The following TEX36 variants were observed in gnomAD, a reference collection of about 807,000 sequenced individuals.
The protein encoded by TEX36 is testis-expressed protein 36.
A neutral mutation model predicts 13.6 loss-of-function variants in TEX36; 12 were observed. That is an observed-to-expected ratio of 0.88 (90% CI 0.56 to 1.43). The LOEUF is 1.43. TEX36 is among the 40% of genes most tolerant of loss of function. The probability of loss-of-function intolerance (pLI) is 0.00; values close to 1 mark genes in which losing one functional copy is unlikely to be tolerated. For missense variants in TEX36, 224 were observed against 228.3 expected (o/e 0.98, Z 0.12); for synonymous variants, 93 against 83.0 (o/e 1.12, Z -0.65).
intron 3 of TEX36, among the ~76,000 whole-genome samples, chr10:125,640,679 G>C (rs912709111): frequency 6.6e-6 from 1 of 152,102 alleles, no homozygotes; most frequent in African/African-American, 2.4e-5. Flanking sequence ...TTTGGGAAGT[G>C]TCAGGTTTGT....
chr10:125,588,056 C>T (rs1432957806), intron 3 of TEX36, among the ~76,000 whole-genome samples: 2 of 152,254 alleles, frequency 1.3e-5, no homozygotes, highest in East Asian at 3.9e-4. Flanking sequence ...TGTTTCTAAT[C>T]TTTTGCTATT....
At chr10:125,593,640 CA>C (rs776664114) in intron 3 of TEX36, among the ~76,000 whole-genome samples, 119 of 152,240 alleles carry the variant, frequency 7.8e-4, no homozygotes, top group Non-Finnish European at 1.5e-3. Context: ...AATGAGGAAA[CA>C]AAATACAATT....
intron 3 of TEX36, among the ~76,000 whole-genome samples, chr10:125,625,805 T>C (rs1032010474): frequency 6.6e-6 from 1 of 152,218 alleles, no homozygotes; most frequent in Non-Finnish European, 1.5e-5. Flanking sequence ...TCGTGGCAAA[T>C]ACTTTCTGTG....
chr10:125,632,816 T>G (rs952616392), intron 3 of TEX36, among the ~76,000 whole-genome samples: 1 of 152,148 alleles, frequency 6.6e-6, no homozygotes, highest in Non-Finnish European at 1.5e-5. Flanking sequence ...TGAGCCATTT[T>G]CTTACCAAAG....
chr10:125,596,240 T>C (rs1024013414), intron 3 of TEX36, among the ~76,000 whole-genome samples: 2 of 152,156 alleles, frequency 1.3e-5, no homozygotes, highest in Non-Finnish European at 2.9e-5. Flanking sequence ...GACATCTGGA[T>C]GTTATTCTGG....
downstream of TEX36, among the ~76,000 whole-genome samples, chr10:125,620,529 C>G (rs567920782): frequency 9.8e-5 from 15 of 152,308 alleles, no homozygotes; most frequent in East Asian, 3.9e-4. Context: ...CAGGAAGATA[C>G]AGTCAAGGAC....
At chr10:125,597,100 A>G (rs999640408) in intron 3 of TEX36, among the ~76,000 whole-genome samples, 10 of 152,304 alleles carry the variant, frequency 6.6e-5, no homozygotes, top group Non-Finnish European at 1.5e-4. Flanking sequence ...ATGCAATTTT[A>G]GGGGAGTGAC....
At chr10:125,622,587 G>GATTAGGC (rs1029688862) in intron 3 of TEX36, among the ~76,000 whole-genome samples, 3 of 152,184 alleles carry the variant, frequency 2.0e-5, no homozygotes, top group African/African-American at 7.2e-5. Context: ...TTCCTGCCTG[G>GATTAGGC]ATTAGGCTGT....
intron 3 of TEX36, among the ~76,000 whole-genome samples, chr10:125,603,079 TG>T (rs1846168894): frequency 6.6e-6 from 1 of 152,320 alleles, no homozygotes; most frequent in African/African-American, 2.4e-5. Flanking sequence ...ATGACAGAAC[TG>T]GGCAGAAAGA....
At chr10:125,638,039 C>A (rs879517902) in intron 3 of TEX36, among the ~76,000 whole-genome samples, 12 of 152,004 alleles carry the variant, frequency 7.9e-5, no homozygotes, top group Non-Finnish European at 1.6e-4. Flanking sequence ...GTGCCTCATT[C>A]TCAGCTGAAG....
At chr10:125,646,963 T>A (rs1846779175) in intron 3 of TEX36, among the ~76,000 whole-genome samples, 1 of 152,264 alleles carries the variant, frequency 6.6e-6, no homozygotes, top group South Asian at 2.1e-4. Flanking sequence ...TGCCTTCAAC[T>A]GAAAGCTAAA....
At chr10:125,620,443 C>T (rs144570040), downstream of TEX36, among the ~76,000 whole-genome samples, 37 of 152,208 alleles carry the variant, frequency 2.4e-4, 1 homozygote, top group Admixed American at 2.4e-3. Context: ...CCCTTTCTCT[C>T]TGTCTCCCTC....
At chr10:125,643,355 C>T (rs1283615676) in intron 3 of TEX36, among the ~76,000 whole-genome samples, 1 of 152,220 alleles carries the variant, frequency 6.6e-6, no homozygotes, top group Non-Finnish European at 1.5e-5. Context: ...CAACTGTAAT[C>T]CCAGCACATT....
intron 1 of TEX36, among the ~76,000 whole-genome samples, chr10:125,681,235 T>C (rs904780227): frequency 6.6e-6 from 1 of 152,222 alleles, no homozygotes; most frequent in Non-Finnish European, 1.5e-5. Context: ...AAAAGGGAGC[T>C]GCTGATGACT....
chr10:125,603,282 C>T (rs1048614154), intron 3 of TEX36, among the ~76,000 whole-genome samples: 1 of 152,192 alleles, frequency 6.6e-6, no homozygotes. Flanking sequence ...TCTCCGACTT[C>T]CAAGTACCTG....
chr10:125,591,905 C>T (rs763441093), intron 3 of TEX36, among the ~76,000 whole-genome samples: 2 of 152,072 alleles, frequency 1.3e-5, no homozygotes, highest in African/African-American at 2.4e-5. Flanking sequence ...AGTCTGTGAG[C>T]GTTCATTTCT....
rs528083391 is a variant in TEX36 at position 125,585,320 on chromosome 10, G to C, written c.265-8446C>G. ...CTGCCTCCCACTTCCAGCAGGTCAA[G>C]AGTCACCCCCAGAGGGAGTGTCTTG... is the stretch of plus-strand genomic sequence containing the variant. On this transcript the variant is annotated intron_variant, in intron 3 of 3. Transcript: ENST00000532135. Among the ~76,000 whole-genome samples the C allele has an allele frequency of 5.9e-5, 9 of 152,276 alleles. No individual in the cohort carries two copies. The South Asian group carries it at 1.9e-3, about 32-fold the overall frequency.
At chr10:125,660,552 G>A (rs889972209) in intron 3 of TEX36, among the ~76,000 whole-genome samples, 1 of 152,170 alleles carries the variant, frequency 6.6e-6, no homozygotes, top group African/African-American at 2.4e-5. Context: ...AACCACCACT[G>A]TATCAGACTT....
Position 125,676,501 on chromosome 10 carries a change from C to T in TEX36, c.51+6438G>A, listed in dbSNP as rs556518015. On this transcript the variant is annotated intron_variant, in intron 1 of 3. Transcript: ENST00000368821. ...CTTTATTTTCAGTCTATCTATATGT[C>T]TTTACTGGCAAAGTGAGTTTCTTGT... Among the ~76,000 whole-genome samples, 6 of 151,214 alleles carry T rather than the reference C, an allele frequency of 4.0e-5. No individual in the cohort carries two copies. The South Asian group carries it at 1.0e-3, about 26-fold the overall frequency.
Sources: gnomAD v4.1 joint callset for allele counts (sites outside exome capture counted in the v4.1 genomes callset) on GRCh38, gnomAD v4.1.1 for gene constraint, MANE v1.5 for transcripts, NCBI Gene and HGNC (gene_info 2026-07-23, HGNC 2026-07-21) for gene names.